Variants in SNRPD2 observed in about 807,000 individuals in gnomAD.
SNRPD2 encodes the protein small nuclear ribonucleoprotein D2 polypeptide, also known as small nuclear ribonucleoprotein Sm D2.
A neutral mutation model predicts 11.5 loss-of-function variants in SNRPD2; 1 was observed. The observed-to-expected ratio is 0.09, with a 90% CI of 0.03 to 0.41. The LOEUF (loss-of-function observed/expected upper bound fraction) is 0.41, where lower values mean the gene tolerates loss of function less well. Among genes scored for constraint, SNRPD2 ranks in the 10% least tolerant of loss-of-function variants. SNRPD2 has a pLI of 0.98. For synonymous variants in SNRPD2, 63 were observed against 61.5 expected (o/e 1.02, Z -0.12); for missense variants, 77 against 154.9 (o/e 0.50, Z 2.67).
Position 45,688,515 on chromosome 19 carries a change from C to T in SNRPD2, c.54G>A (p.Lys18=), listed in dbSNP as rs1182348313. 2.5e-6 allele frequency: 4 copies of T among 1,614,154 alleles called. No individual in the cohort carries two copies. The highest frequency in any genetic ancestry group is 3.4e-6 in the Non-Finnish European group (4 of 1,180,002). The part of the protein sequence containing the change: ...KSEMTPEELQ[K]REEEEFNTGP... ...CGGTGTTAAATTCCTCCTCCTCTCG[C>T]TTCTGCAGCTCCTCTGGGGTCATCT... Residue 18 remains lysine (K), a synonymous_variant, in exon 2 of 3, where the codon AAG becomes AAA. Transcript: ENST00000342669. The surrounding 1 kb of genome is among the most constrained non-coding windows in gnomAD (Gnocchi z 4.1).
At chr19:45,691,637 C>A in intron 1 of SNRPD2, 1 of 551,776 alleles carries the variant, frequency 1.8e-6, no homozygotes, top group Non-Finnish European at 3.3e-6. Context: ...TACTAAAGTG[C>A]TGGGATCACA....
At chr19:45,689,342 T>C in intron 1 of SNRPD2, 1 of 513,740 alleles carries the variant, frequency 1.9e-6, no homozygotes, top group Admixed American at 2.0e-5. Context: ...GGGGTTGTGC[T>C]AAAACCTAAA....
At chr19:45,691,518 CAT>C (rs1967549918) in intron 1 of SNRPD2, 2 of 235,766 alleles carry the variant, frequency 8.5e-6, no homozygotes, top group African/African-American at 4.5e-5. Context: ...TCGTTTAAAA[CAT>C]GTTTTTCATA....
At chr19:45,689,545 A>G (rs767453654) in intron 1 of SNRPD2, among the ~76,000 whole-genome samples, 1 of 152,032 alleles carries the variant, frequency 6.6e-6, no homozygotes, top group Non-Finnish European at 1.5e-5. Context: ...ACAATAAAAA[A>G]AACAACCAAC....
chr19:45,689,588 G>A (rs928720877), intron 1 of SNRPD2, among the ~76,000 whole-genome samples: 1 of 152,124 alleles, frequency 6.6e-6, no homozygotes, highest in African/African-American at 2.4e-5. Context: ...GTGCACGCCT[G>A]TAATCTCAGC....
chr19:45,687,594 C>A lies in SNRPD2; in HGVS notation c.316G>T (p.Val106Phe). 1 of 1,614,238 alleles carries A rather than the reference C, an allele frequency of 6.2e-7. No individual in the cohort carries two copies. Among genetic ancestry groups the A allele is most frequent in the Non-Finnish European group, 8.5e-7 (1 of 1,180,038 alleles). Residue 106 changes from valine (V) to phenylalanine (F), a missense_variant, in exon 3 of 3, where the codon GTC becomes TTC. Coordinates refer to ENST00000342669, the MANE Select transcript of SNRPD2 (RefSeq NM_001384647.1). The surrounding 1 kb of genome is among the most constrained non-coding windows in gnomAD (Gnocchi z 4.1). ...ISKMFLRGDS[V>F]IVVLRNPLIA... ...AGCGGGTTCCGCAGGACCACGATGA[C>A]TGAGTCCCCGCGCAGGAACATCTTG...
At chr19:45,689,815 G>A (rs867646027) in intron 1 of SNRPD2, among the ~76,000 whole-genome samples, 21 of 146,700 alleles carry the variant, frequency 1.4e-4, no homozygotes, top group South Asian at 1.3e-3. Context: ...GAGGTGGATC[G>A]CCTGAGCTCA....
In SNRPD2 at chr19:45,687,616, C is replaced by T; in HGVS notation, c.294G>A (p.Lys98=). 1 of 1,614,238 alleles carries T rather than the reference C, an allele frequency of 6.2e-7. No individual in the cohort carries two copies. Residue 98 remains lysine, a synonymous_variant, in exon 3 of 3, where the codon AAG becomes AAA. Transcript: ENST00000342669. The surrounding 1 kb of genome is among the most constrained non-coding windows in gnomAD (Gnocchi z 4.1). ...TGACTGAGTCCCCGCGCAGGAACAT[C>T]TTGGAGATGTAGCGGTCTTTGTTGA... is the stretch of plus-strand genomic sequence containing the variant. ...KPVNKDRYIS[K]MFLRGDSVIV... is the part of the protein sequence containing the mutation.
Position 45,688,768 on chromosome 19 carries a change from T to C in SNRPD2, c.3-202A>G, listed in dbSNP as rs1220218050. On this transcript the variant is annotated intron_variant, in intron 1 of 2. Coordinates refer to ENST00000342669, the MANE Select transcript of SNRPD2 (RefSeq NM_001384647.1). This position sits in a 1 kb window ranked among gnomAD's most constrained non-coding sequence, Gnocchi z 4.1. ...TTTTTTTTGAGACGGAGTCTTGATCTGTTGCCCAGGCTGGAGCGCAGTGAT... is the reference window on the plus strand; with the variant it reads ...TTTTTTTTGAGACGGAGTCTTGATCCGTTGCCCAGGCTGGAGCGCAGTGAT... 6.6e-6 allele frequency among the ~76,000 whole-genome samples: 1 copy of C among 151,882 alleles called. No individual in the cohort carries two copies. The highest frequency in any genetic ancestry group is 2.4e-5 in the African/African-American group (1 of 41,334).
In SNRPD2 at chr19:45,687,667, G is replaced by A. The variant is rs1411264264; in HGVS notation, c.243C>T (p.Gly81=). 6.2e-7 allele frequency: 1 copy of A among 1,613,816 alleles called. No individual in the cohort carries two copies. The highest frequency in any genetic ancestry group is 8.5e-7 in the Non-Finnish European group (1 of 1,179,712). ...CTGGCTTGGACTTCTTCTTGCCCTT[G>A]CCACTCTTGGGTACCTCAGTCCACA... The part of the protein sequence containing the change: ...KEMWTEVPKS[G]KGKKKSKPVN... Residue 81 remains glycine, a synonymous_variant, in exon 3 of 3, where the codon GGC becomes GGT. Transcript: ENST00000342669. This position sits in a 1 kb window ranked among gnomAD's most constrained non-coding sequence, Gnocchi z 4.1.
rs1005066124 is a variant in SNRPD2, at chr19:45,687,903, C to T, written c.183-176G>A. ...GCCAGTCCTTAGGTTGAGGCTGAGG[C>T]AAAGGACTGCACCTCTCTGTGCCAG... is the stretch of plus-strand genomic sequence containing the variant. On this transcript the variant is annotated intron_variant, in intron 2 of 2. Transcript: ENST00000342669. The surrounding 1 kb of genome is among the most constrained non-coding windows in gnomAD (Gnocchi z 4.1). 1.2e-5 allele frequency: 7 copies of T among 608,364 alleles called. No individual in the cohort carries two copies. The Admixed American group carries it at 1.8e-4, about 15-fold the overall frequency. 37.7% of individuals were successfully genotyped at this position (608,364 alleles called of 1,614,324 possible).
intron 1 of SNRPD2, chr19:45,689,334 G>T (rs1967482340): frequency 3.9e-6 from 2 of 516,066 alleles, no homozygotes; most frequent in Admixed American, 4.0e-5. Flanking sequence ...GGTCTGAGGG[G>T]GTTGTGCTAA....
chr19:45,687,476 G>T lies in SNRPD2; in HGVS notation c.*77C>A. 1 of 1,375,018 alleles carries T rather than the reference G, an allele frequency of 7.3e-7. No individual in the cohort carries two copies. The highest frequency in any genetic ancestry group is 1.0e-6 in the Non-Finnish European group (1 of 979,156). 85.2% of individuals were successfully genotyped at this position (1,375,018 alleles called of 1,614,324 possible). On this transcript the variant is annotated 3_prime_UTR_variant, in exon 3 of 3. Transcript: ENST00000342669. The surrounding 1 kb of genome is among the most constrained non-coding windows in gnomAD (Gnocchi z 4.1). ...AGATACCACTAGAAAAAAACACAGA[G>T]CTTTATTATTCTCAACACCAATGGC...
Position 45,688,132 on chromosome 19 carries a change from G to T in SNRPD2, c.182+255C>A, listed in dbSNP as rs1454879655. Among the ~76,000 whole-genome samples the T allele has an allele frequency of 6.6e-6, 1 of 152,124 alleles. No homozygotes were observed. The highest frequency in any genetic ancestry group is 2.4e-5 in the African/African-American group (1 of 41,430). On this transcript the variant is annotated intron_variant, in intron 2 of 2. Coordinates refer to ENST00000342669, the MANE Select transcript of SNRPD2 (RefSeq NM_001384647.1). The surrounding 1 kb of genome is among the most constrained non-coding windows in gnomAD (Gnocchi z 4.1). ...CACCTGAGTAGCTGTGAATACAGGC[G>T]TGCACCACCACGCCTGGCTTTTATA...
chr19:45,687,735 G>C lies in SNRPD2; in HGVS notation c.183-8C>G. ...AGCACCATGTTGCAGTGCCTGGTGG[G>C]GAACAGGGAGGGGAGGCACTGGGCG... On this transcript the variant is annotated splice_region_variant and splice_polypyrimidine_tract_variant and intron_variant, in intron 2 of 2. Transcript: ENST00000342669. This position sits in a 1 kb window ranked among gnomAD's most constrained non-coding sequence, Gnocchi z 4.1. 1 of 1,612,060 alleles carries C rather than the reference G, an allele frequency of 6.2e-7. No homozygotes were observed. The highest frequency in any genetic ancestry group is 8.5e-7 in the Non-Finnish European group (1 of 1,179,054).
rs34253731 is a variant in SNRPD2 at position 45,690,831 on chromosome 19, CA to C, written c.2+1055del. Among the ~76,000 whole-genome samples the C allele has an allele frequency of 6.1e-3, 536 of 87,404 alleles. 3 individuals are homozygous for C. Among genetic ancestry groups the C allele is most frequent in the Middle Eastern group, 0.02 (3 of 152 alleles). The allele number at this position is 87,404 out of a possible 152,430, so 57.3% of individuals were successfully genotyped here. ...TGAGCAACAGAGCAAGGCTCCGTCT[CA>C]AAAAAAAAAAAAAAAAGAAAAAGAG... On this transcript the variant is annotated intron_variant, in intron 1 of 2. Coordinates refer to ENST00000342669, the MANE Select transcript of SNRPD2 (RefSeq NM_001384647.1).
intron 1 of SNRPD2, 45 bp downstream of exon 1, chr19:45,691,842 C>T: frequency 6.2e-7 from 1 of 1,612,746 alleles, no homozygotes; most frequent in Non-Finnish European, 8.5e-7. Context: ...GTCAAATATC[C>T]ACCCTCAACC....
intron 1 of SNRPD2, among the ~76,000 whole-genome samples, chr19:45,690,124 G>C (rs1218144333): frequency 6.6e-6 from 1 of 151,370 alleles, no homozygotes; most frequent in Non-Finnish European, 1.5e-5. Flanking sequence ...GAGGTCAGGA[G>C]ATCGAGACCA....
chr19:45,690,157 C>G (rs910902186), intron 1 of SNRPD2, among the ~76,000 whole-genome samples: 1 of 150,696 alleles, frequency 6.6e-6, no homozygotes, highest in Non-Finnish European at 1.5e-5. Context: ...CGGTGAAACC[C>G]CGTCTCTACT....
Sources: gnomAD v4.1 joint callset for allele counts (sites outside exome capture counted in the v4.1 genomes callset) on GRCh38, gnomAD v4.1.1 for gene constraint, Gnocchi (gnomAD v3.1) non-coding constraint, MANE v1.5 for transcripts, NCBI Gene and HGNC (gene_info 2026-07-23, HGNC 2026-07-21) for gene names.